Variants in RSU1 observed in about 807,000 individuals in gnomAD.
RSU1 encodes rsu-1.
A neutral mutation model predicts 31.1 loss-of-function variants in RSU1; 26 were observed. The observed-to-expected ratio is 0.84, with a 90% CI of 0.61 to 1.16. RSU1 has a LOEUF of 1.16. Among genes scored for constraint, RSU1 ranks in the 50% most tolerant of loss-of-function variants. The pLI, the probability that RSU1 is intolerant of heterozygous loss-of-function variation, is 0.00. For synonymous variants in RSU1, 164 were observed against 136.3 expected, an observed-to-expected ratio of 1.20 and a Z score of -1.41; for missense variants, 320 against 339.1, an observed-to-expected ratio of 0.94 and a Z score of 0.44.
chr10:16,683,264 G>C (rs1835370882), intron 8 of RSU1, among the ~76,000 whole-genome samples: 1 of 151,928 alleles, frequency 6.6e-6, no homozygotes, highest in Admixed American at 6.6e-5. Flanking sequence ...CCCTGTGAAG[G>C]TGTAGAGGCT....
intron 8 of RSU1, among the ~76,000 whole-genome samples, chr10:16,616,272 C>T (rs895104834): frequency 1.3e-5 from 2 of 150,530 alleles, no homozygotes; most frequent in African/African-American, 2.4e-5. Context: ...AATTCCTGGA[C>T]ACACACCCCC....
At chr10:16,774,924 C>A (rs1837496847) in intron 3 of RSU1, among the ~76,000 whole-genome samples, 1 of 151,854 alleles carries the variant, frequency 6.6e-6, no homozygotes, top group African/African-American at 2.4e-5. Context: ...GGCAAATTAG[C>A]CAGGCGTGGT....
At chr10:16,643,687 T>C (rs989766936) in intron 8 of RSU1, among the ~76,000 whole-genome samples, 1 of 152,162 alleles carries the variant, frequency 6.6e-6, no homozygotes, top group Non-Finnish European at 1.5e-5. Flanking sequence ...GTGTCTCAGT[T>C]TCCAAATCTA....
At chr10:16,684,655 C>G (rs1835406143) in intron 8 of RSU1, among the ~76,000 whole-genome samples, 1 of 152,272 alleles carries the variant, frequency 6.6e-6, no homozygotes, top group South Asian at 2.1e-4. Flanking sequence ...CTGCTGACAC[C>G]TTGATCTGGG....
At chr10:16,686,626 T>C (rs1835444822) in intron 8 of RSU1, among the ~76,000 whole-genome samples, 1 of 152,200 alleles carries the variant, frequency 6.6e-6, no homozygotes, top group South Asian at 2.1e-4. Context: ...TAATGTATCA[T>C]GCTCCACTTT....
intron 4 of RSU1, among the ~76,000 whole-genome samples, 179 bp downstream of exon 4, chr10:16,764,211 A>G (rs1837265706): frequency 6.6e-6 from 1 of 152,212 alleles, no homozygotes; most frequent in South Asian, 2.1e-4. Context: ...AATATGCACT[A>G]ATGTAGGCCA....
intron 2 of RSU1, among the ~76,000 whole-genome samples, chr10:16,785,461 T>C (rs963120053): frequency 1.1e-4 from 10 of 91,812 alleles, no homozygotes; most frequent in African/African-American, 5.3e-4. Flanking sequence ...CATATATACA[T>C]ATATATATAC....
Position 16,737,136 on chromosome 10 carries a change from G to T in RSU1, c.598+15403C>A, listed in dbSNP as rs554694393. 5.9e-5 allele frequency among the ~76,000 whole-genome samples: 9 copies of T among 151,852 alleles called. No homozygotes were observed. The East Asian group carries it at 1.4e-3, about 23-fold the overall frequency. ...TAACACAAGAGTAATGTAAGTTCTAGGAGAGGAGAGAGAGATGGGAAATCA... is the reference window on the plus strand; with the variant it reads ...TAACACAAGAGTAATGTAAGTTCTATGAGAGGAGAGAGAGATGGGAAATCA... On this transcript the variant is annotated intron_variant, in intron 7 of 8. Coordinates refer to ENST00000345264, the MANE Select transcript of RSU1 (RefSeq NM_012425.4).
chr10:16,615,885 G>C (rs901639038), intron 8 of RSU1, among the ~76,000 whole-genome samples: 1 of 152,168 alleles, frequency 6.6e-6, no homozygotes, highest in Non-Finnish European at 1.5e-5. Context: ...GTGTTTAGAG[G>C]GAAATTTATA....
intron 7 of RSU1, 138 bp downstream of exon 7, chr10:16,752,401 G>T: frequency 3.1e-6 from 2 of 647,566 alleles, no homozygotes. Flanking sequence ...AATGACAAAT[G>T]GTTCTCAAAT....
intron 2 of RSU1, 37 bp from the exon 3 acceptor site, chr10:16,782,121 A>G: frequency 6.5e-7 from 1 of 1,534,168 alleles, no homozygotes. Flanking sequence ...TCAGTCAGTA[A>G]ATGTATCACT....
intron 2 of RSU1, among the ~76,000 whole-genome samples, chr10:16,805,623 C>T (rs1838250636): frequency 7.4e-6 from 1 of 134,924 alleles, no homozygotes. Context: ...TTGCAGTGAG[C>T]GGAGATCACG....
Position 16,775,055 on chromosome 10 carries a change from T to A in RSU1, c.160+6979A>T, listed in dbSNP as rs562524484. On this transcript the variant is annotated intron_variant, in intron 3 of 8. Coordinates refer to ENST00000345264, the MANE Select transcript of RSU1 (RefSeq NM_012425.4). ...ACACTATCTCTAAAAAATAAAAACA[T>A]AAAAAAAGAGAAGAGATGCTCTACA... Among the ~76,000 whole-genome samples the A allele has an allele frequency of 9.3e-4, 141 of 151,816 alleles. 1 individual carries two copies. The highest frequency in any genetic ancestry group is 3.4e-3 in the Middle Eastern group (1 of 292).
At chr10:16,804,751 C>T (rs1838230883) in intron 2 of RSU1, among the ~76,000 whole-genome samples, 1 of 152,154 alleles carries the variant, frequency 6.6e-6, no homozygotes, top group Non-Finnish European at 1.5e-5. Flanking sequence ...AGCTATATGA[C>T]ATTCTGGAAA....
chr10:16,666,298 C>T (rs185448892), intron 8 of RSU1, among the ~76,000 whole-genome samples: 1 of 152,114 alleles, frequency 6.6e-6, no homozygotes, highest in African/African-American at 2.4e-5. Context: ...GAAATATACA[C>T]AGAAAGCCAC....
At chr10:16,800,632 T>C (rs1379203720) in intron 2 of RSU1, among the ~76,000 whole-genome samples, 1 of 152,216 alleles carries the variant, frequency 6.6e-6, no homozygotes, top group Non-Finnish European at 1.5e-5. Context: ...TGGTTGATTA[T>C]AGTTTACAGA....
chr10:16,772,265 T>G (rs1407069560), intron 3 of RSU1, among the ~76,000 whole-genome samples: 1 of 152,196 alleles, frequency 6.6e-6, no homozygotes, highest in African/African-American at 2.4e-5. Context: ...AAAGTATGTA[T>G]GCATAACCAA....
At chr10:16,616,228 C>T (rs1410178449) in intron 8 of RSU1, among the ~76,000 whole-genome samples, 1 of 151,960 alleles carries the variant, frequency 6.6e-6, no homozygotes. Flanking sequence ...ATAAACACCT[C>T]TACTAAAACT....
chr10:16,718,598 G>A (rs1836191788), intron 7 of RSU1, among the ~76,000 whole-genome samples: 1 of 151,378 alleles, frequency 6.6e-6, no homozygotes, highest in Non-Finnish European at 1.5e-5. Flanking sequence ...CATCTTAGGA[G>A]AAACAAAAGT....
Sources: allele counts gnomAD v4.1 joint callset (sites outside exome capture counted in the v4.1 genomes callset), GRCh38; gene constraint gnomAD v4.1.1; transcripts MANE v1.5; gene names NCBI Gene and HGNC (gene_info 2026-07-23, HGNC 2026-07-21).